Variants in ZEB1 observed in about 807,000 individuals in gnomAD.
The protein encoded by ZEB1 is zinc finger E-box-binding homeobox 1.
In ZEB1, 21 loss-of-function variants were observed where a neutral mutation model predicts 84.9. That is an observed-to-expected ratio of 0.25 (90% confidence interval 0.18 to 0.36). ZEB1 has a LOEUF of 0.36. ZEB1 is among the 10% of genes least tolerant of loss of function. ZEB1 has a pLI of 1.00. For synonymous variants in ZEB1, 420 were observed against 471.1 expected, an observed-to-expected ratio of 0.89 and a Z score of 1.41; for missense variants, 1,104 against 1,330.2, an observed-to-expected ratio of 0.83 and a Z score of 2.65.
At chr10:31,402,145 A>G (rs1014508208) in intron 1 of ZEB1, among the ~76,000 whole-genome samples, 30 of 151,848 alleles carry the variant, frequency 2.0e-4, no homozygotes, top group Non-Finnish European at 4.4e-5. Context: ...TGTTAACAGG[A>G]AAGATGAAAG....
chr10:31,510,562 A>G (rs540832892), intron 4 of ZEB1, 111 bp from the exon 5 acceptor site: 1 of 836,136 alleles, frequency 1.2e-6, no homozygotes, highest in East Asian at 2.7e-5. Context: ...TTGAGGATCA[A>G]ATATAAAGTG....
At chr10:31,496,690 TATAGTTTTA>T in intron 3 of ZEB1, among the ~76,000 whole-genome samples, 1 of 152,132 alleles carries the variant, frequency 6.6e-6, no homozygotes. Context: ...ATTTCTGTCA[TATAGTTTTA>T]ATTACATTTT....
chr10:31,449,242 G>A lies in ZEB1; in HGVS notation c.59-11795G>A, dbSNP rs529916474. ...ACTCCCTGACCCCTTGCGCTTCCCA[G>A]GTGAGGCAATGCCTCGCCCTGCTTC... On this transcript the variant is annotated intron_variant, in intron 1 of 8. Coordinates refer to ENST00000424869, the MANE Select transcript of ZEB1 (RefSeq NM_001174096.2). 1.2e-3 allele frequency among the ~76,000 whole-genome samples: 187 copies of A among 152,344 alleles called. 1 individual carries two copies. Among genetic ancestry groups the A allele is most frequent in the African/African-American group, 4.1e-3 (170 of 41,584 alleles).
At chr10:31,414,271 C>T (rs1477193533) in intron 1 of ZEB1, among the ~76,000 whole-genome samples, 1 of 152,096 alleles carries the variant, frequency 6.6e-6, no homozygotes, top group Non-Finnish European at 1.5e-5. Flanking sequence ...TCTATCTTCT[C>T]AACTGGTAAT....
chr10:31,496,518 T>G (rs142946204), intron 3 of ZEB1, among the ~76,000 whole-genome samples: 3 of 152,216 alleles, frequency 2.0e-5, no homozygotes, highest in African/African-American at 7.2e-5. Context: ...TCAGATCTTA[T>G]GTATAGTAAT....
intron 1 of ZEB1, among the ~76,000 whole-genome samples, chr10:31,373,514 A>C (rs896627536): frequency 7.2e-5 from 11 of 151,980 alleles, no homozygotes; most frequent in African/African-American, 2.2e-4. Context: ...ACTTCTAAAA[A>C]ATTTGTACTA....
chr10:31,322,381 T>C (rs1204367176), intron 1 of ZEB1, among the ~76,000 whole-genome samples: 2 of 152,346 alleles, frequency 1.3e-5, no homozygotes, highest in East Asian at 1.9e-4. Flanking sequence ...CAGTGGAAGA[T>C]TGTCGTAGAG....
At chr10:31,524,257 C>T (rs1336645915) in intron 8 of ZEB1, 144 bp downstream of exon 8, 7 of 884,496 alleles carry the variant, frequency 7.9e-6, no homozygotes, top group Non-Finnish European at 3.3e-6. Context: ...GTCACCCAGG[C>T]TGGAGTGCAG....
chr10:31,509,190 G>T (rs1169927541), intron 4 of ZEB1, among the ~76,000 whole-genome samples: 1 of 152,128 alleles, frequency 6.6e-6, no homozygotes, highest in Non-Finnish European at 1.5e-5. Flanking sequence ...TTAGAACTCA[G>T]GGGGTGTACA....
Position 31,526,861 on chromosome 10 carries a change from A to C in ZEB1, c.2975A>C (p.Glu992Ala), listed in dbSNP as rs1270882179. 6.2e-7 allele frequency: 1 copy of C among 1,614,178 alleles called. No individual in the cohort carries two copies. The highest frequency in any genetic ancestry group is 1.7e-5 in the Admixed American group (1 of 60,022). ...TACTCCTACTGTAAGAGAGAAGCGG[A>C]AGAACGTGACAGCACAGAGCAGGAA... Reference protein sequence around the residue: ...HRYSYCKREAEERDSTEQEEA... With the variant: ...HRYSYCKREAAERDSTEQEEA... Residue 992 changes from glutamate (E) to alanine (A), a missense_variant, in exon 9 of 9, where the codon GAA (glutamate) becomes GCA (alanine). This residue lies in a region of ZEB1 where 173 missense variants were observed against 167.0 expected (regional missense o/e 1.04). Transcript: ENST00000424869.
chr10:31,450,874 G>C (rs528708285), intron 1 of ZEB1, among the ~76,000 whole-genome samples: 2 of 114,872 alleles, frequency 1.7e-5, no homozygotes, highest in East Asian at 3.9e-4. Flanking sequence ...AGGACTGAGC[G>C]TGTGTGTGTG....
intron 2 of ZEB1, among the ~76,000 whole-genome samples, chr10:31,477,373 A>C (rs1217736872): frequency 6.6e-6 from 1 of 152,054 alleles, no homozygotes; most frequent in Non-Finnish European, 1.5e-5. Flanking sequence ...AGATTACACA[A>C]ATGGAAAAAT....
intron 2 of ZEB1, among the ~76,000 whole-genome samples, chr10:31,465,499 GAAAC>G (rs1187402737): frequency 1.3e-5 from 2 of 151,574 alleles, no homozygotes; most frequent in South Asian, 4.1e-4. Context: ...AAGCAGCAAA[GAAAC>G]AAAGGCACTT....
At chr10:31,319,440 T>G in intron 1 of ZEB1, 148 bp downstream of exon 1, 2 of 738,322 alleles carry the variant, frequency 2.7e-6, no homozygotes, top group Non-Finnish European at 4.4e-6. Flanking sequence ...TAGTGCTCTC[T>G]GCCCCCCTCC....
intron 1 of ZEB1, among the ~76,000 whole-genome samples, chr10:31,395,943 A>T (rs180882612): frequency 6.6e-6 from 1 of 152,166 alleles, no homozygotes; most frequent in African/African-American, 2.4e-5. Flanking sequence ...CATCATGTCC[A>T]TGGGGTGGAG....
intron 1 of ZEB1, among the ~76,000 whole-genome samples, chr10:31,458,047 G>T (rs2061435941): frequency 6.6e-6 from 1 of 152,054 alleles, no homozygotes; most frequent in Admixed American, 6.6e-5. Flanking sequence ...AAAACAGCAG[G>T]AATGTCAGCT....
rs1294396214 is a variant in ZEB1 at position 31,527,012 on chromosome 10, G to T, written c.3126G>T (p.Glu1042Asp). 6.2e-7 allele frequency: 1 copy of T among 1,601,122 alleles called. No homozygotes were observed. The highest frequency in any genetic ancestry group is 1.7e-5 in the Admixed American group (1 of 57,878). The change falls in exon 9 of 9, where the codon GAG (glutamate) becomes GAT (aspartate). Residue 1042 changes from glutamate (E) to aspartate (D), a missense_variant. Around this residue, in one of 7 missense-constraint regions of ZEB1, gnomAD observed 173 missense variants for 167.0 expected, o/e 1.04. Coordinates refer to ENST00000424869, the MANE Select transcript of ZEB1 (RefSeq NM_001174096.2). Reference protein sequence around the residue: ...EEDEDSEKEEEEEDKEMEELQ... With the variant: ...EEDEDSEKEEDEEDKEMEELQ... ...ATGAAGACAGTGAAAAAGAGGAAGA[G>T]GAGGAGGATAAAGAGATGGAAGAAT... is the stretch of plus-strand genomic sequence containing the variant.
chr10:31,444,118 G>A (rs918683083), intron 1 of ZEB1, among the ~76,000 whole-genome samples: 16 of 151,370 alleles, frequency 1.1e-4, no homozygotes, highest in African/African-American at 3.9e-4. Context: ...ACTGGTGTGA[G>A]ATGGTATCTC....
intron 1 of ZEB1, among the ~76,000 whole-genome samples, chr10:31,375,705 A>C (rs1590526648): frequency 6.6e-6 from 1 of 151,812 alleles, no homozygotes; most frequent in Admixed American, 6.6e-5. Flanking sequence ...CTACTCTCAG[A>C]AGAAATGAGT....
Sources: allele counts gnomAD v4.1 joint callset (sites outside exome capture counted in the v4.1 genomes callset), GRCh38; gene constraint gnomAD v4.1.1; regional missense constraint gnomAD v4.1.1; transcripts MANE v1.5; gene names NCBI Gene and HGNC (gene_info 2026-07-23, HGNC 2026-07-21).